Variants in OAT observed in about 807,000 individuals in gnomAD.
OAT encodes ornithine aminotransferase, mitochondrial.
A neutral mutation model predicts 48.4 loss-of-function variants in OAT; 35 were observed. That is an observed-to-expected ratio of 0.72 (90% confidence interval 0.55 to 0.96). OAT has a LOEUF of 0.96. OAT is among the 40% of genes least tolerant of loss of function. The pLI is 0.00. For synonymous variants in OAT, 182 were observed against 198.4 expected (o/e 0.92, Z 0.70); for missense variants, 438 against 537.9 (o/e 0.81, Z 1.84).
At chr10:124,400,483 G>T (rs935768695) in intron 9 of OAT, among the ~76,000 whole-genome samples, 8 of 151,150 alleles carry the variant, frequency 5.3e-5, no homozygotes. Flanking sequence ...GCCGGGCGCG[G>T]TGGGCTCACG....
chr10:124,405,066 A>C (rs1254244144), intron 5 of OAT, among the ~76,000 whole-genome samples: 1 of 152,212 alleles, frequency 6.6e-6, no homozygotes, highest in East Asian at 1.9e-4. Flanking sequence ...TAATTACTTA[A>C]ATTAAATCTA....
chr10:124,410,085 C>A (rs532674472), intron 2 of OAT, among the ~76,000 whole-genome samples: 1 of 152,188 alleles, frequency 6.6e-6, no homozygotes, highest in Non-Finnish European at 1.5e-5. Flanking sequence ...GTGTGATACT[C>A]TTATATTGTC....
At chr10:124,412,536 T>G (rs1046277198) in intron 1 of OAT, among the ~76,000 whole-genome samples, 1 of 151,512 alleles carries the variant, frequency 6.6e-6, no homozygotes, top group Non-Finnish European at 1.5e-5. Flanking sequence ...CCAGGCGTGA[T>G]AGCTCACATC....
intron 9 of OAT, 26 bp from the exon 10 acceptor site, chr10:124,398,128 T>C (rs1951288748): frequency 6.2e-7 from 1 of 1,613,422 alleles, no homozygotes; most frequent in Non-Finnish European, 8.5e-7. Context: ...AAAACGTACA[T>C]GCTCAAAGAT....
In OAT at chr10:124,398,172, C is replaced by T. The variant is rs984464192; in HGVS notation, c.1160-70G>A. ...AAACATCCCTTGCCGTATGTATGGG[C>T]AAAGTGCAGCCTGGCAAAACAAAAT... is the stretch of plus-strand genomic sequence containing the variant. On this transcript the variant is annotated intron_variant, in intron 9 of 9. Transcript: ENST00000368845. The T allele has an allele frequency of 2.1e-5, 32 of 1,536,124 alleles. No individual in the cohort carries two copies. The East Asian group carries it at 5.5e-4, about 26-fold the overall frequency.
At chr10:124,398,134 A>T (rs778324869) in intron 9 of OAT, 32 bp from the exon 10 acceptor site, 1 of 1,612,828 alleles carries the variant, frequency 6.2e-7, no homozygotes, top group East Asian at 2.2e-5. Context: ...TACATGCTCA[A>T]AGATAAACGT....
At chr10:124,400,787 T>A in intron 9 of OAT, 53 bp downstream of exon 9, 1 of 1,313,854 alleles carries the variant, frequency 7.6e-7, no homozygotes. Flanking sequence ...ATACCAAGTG[T>A]ATTTTAGGTC....
intron 8 of OAT, 92 bp downstream of exon 8, chr10:124,401,634 T>C (rs1353378889): frequency 3.6e-6 from 3 of 838,746 alleles, no homozygotes; most frequent in Admixed American, 4.0e-5. Flanking sequence ...GGCATTCTTA[T>C]TGAATTTTTT....
In OAT at chr10:124,400,946, T is replaced by A. The variant is rs757483886; in HGVS notation, c.1053A>T (p.Lys351Asn). ...EEENLAENADKLGIILRNELM... is the reference protein window; with the variant it reads ...EEENLAENADNLGIILRNELM... ...GTTCATTTCTCAAGATAATGCCCAA[T>A]TTGTCTGCATTTTCAGCAAGGTTTT... The change falls in exon 9 of 10, where the codon AAA (lysine) becomes AAT (asparagine). Residue 351 changes from lysine to asparagine, a missense_variant. Physicochemically the swap from Lys to Asn is moderately conservative, Grantham distance 94. Transcript: ENST00000368845. 26 of 1,611,288 alleles carry A rather than the reference T, an allele frequency of 1.6e-5. No homozygotes were observed. Among genetic ancestry groups the A allele is most frequent in the Non-Finnish European group, 1.8e-5 (21 of 1,178,698 alleles).
Position 124,415,074 on chromosome 10 carries a change from T to TGTGTCGCTAAAAAAAAAAAAA in OAT, c.-29-2875_-29-2874insTTTTTTTTTTTTTAGCGACAC, listed in dbSNP as rs1564742697. 2.4e-4 allele frequency: 4 copies of TGTGTCGCTAAAAAAAAAAAAA among 16,858 alleles called. 2 individuals carry two copies. The highest frequency in any genetic ancestry group is 0.062 in the Middle Eastern group (2 of 32). 1.0% of individuals were successfully genotyped at this position (16,858 alleles called of 1,614,324 possible). A position where few individuals can be genotyped will look rare whatever the true frequency, so the allele number is the denominator to read the frequency against. On this transcript the variant is annotated intron_variant, in intron 1 of 9. Coordinates refer to ENST00000368845, the MANE Select transcript of OAT (RefSeq NM_000274.4). Reference sequence around the variant, plus strand: ...CACTCCAGCCTGGGCTACAAAGCGCTAAAAAAAAAAAAAAAAAAAAAAAAA... The same window carrying TGTGTCGCTAAAAAAAAAAAAA: ...CACTCCAGCCTGGGCTACAAAGCGCTGTGTCGCTAAAAAAAAAAAAAAAAAAAAAAAAAAAAAAAAAAAAAA...
intron 2 of OAT, among the ~76,000 whole-genome samples, chr10:124,410,439 T>C (rs1951711910): frequency 6.6e-6 from 1 of 152,240 alleles, no homozygotes; most frequent in African/African-American, 2.4e-5. Flanking sequence ...AAATGACATC[T>C]GGATTAGGTC....
At chr10:124,405,734 T>A (rs186999744) in intron 4 of OAT, 171 bp from the exon 5 acceptor site, 4 of 1,440,094 alleles carry the variant, frequency 2.8e-6, no homozygotes, top group Middle Eastern at 2.0e-4. Context: ...TTAAACACCA[T>A]GGCTCCTATG....
Position 124,397,964 on chromosome 10 carries a change from T to C in OAT, c.1298A>G (p.Asn433Ser). 1 of 1,613,808 alleles carries C rather than the reference T, an allele frequency of 6.2e-7. No homozygotes were observed. Among genetic ancestry groups the C allele is most frequent in the South Asian group, 1.1e-5 (1 of 91,070 alleles). The change falls in exon 10 of 10, where the codon AAC (asparagine) becomes AGC (serine). Residue 433 changes from asparagine (N) to serine (S), a missense_variant. Transcript: ENST00000368845. The stretch of plus-strand genomic sequence containing the variant: ...CCCTCAGAAAGACAAGATGGTCTTG[T>C]TAATAATTTCAATGGACTCTCGAAG... ...DELRESIEII[N>S]KTILSF
intron 5 of OAT, 131 bp downstream of exon 5, chr10:124,405,305 G>C: frequency 7.5e-7 from 1 of 1,337,802 alleles, no homozygotes; most frequent in East Asian, 2.6e-5. Flanking sequence ...CTGAGAACAA[G>C]TCTGAAATCG....
At chr10:124,403,555 C>T (rs1415597444) in intron 6 of OAT, among the ~76,000 whole-genome samples, 1 of 152,198 alleles carries the variant, frequency 6.6e-6, no homozygotes, top group East Asian at 1.9e-4. Flanking sequence ...ACCAGGTCTG[C>T]AGTTCTGCAC....
intron 4 of OAT, among the ~76,000 whole-genome samples, chr10:124,407,690 A>G (rs11244756): frequency 1.9e-4 from 29 of 152,356 alleles, no homozygotes; most frequent in Non-Finnish European, 3.8e-4. Context: ...ATGAACTTTG[A>G]CCATTATAGT....
chr10:124,408,712 G>A lies in OAT; in HGVS notation c.424+29C>T, dbSNP rs540692646. 16 of 1,576,880 alleles carry A rather than the reference G, an allele frequency of 1.0e-5. No individual in the cohort carries two copies. In the East Asian group the frequency reaches 1.1e-4, roughly 11 times the overall value. ...AAAAATAAAAAGATTATTTTTGAGGGTATTTAACAAAAAAAGGAAATGTTT... is the reference window on the plus strand; with the variant it reads ...AAAAATAAAAAGATTATTTTTGAGGATATTTAACAAAAAAAGGAAATGTTT... On this transcript the variant is annotated intron_variant, in intron 3 of 9. Transcript: ENST00000368845.
intron 1 of OAT, among the ~76,000 whole-genome samples, chr10:124,416,950 T>C (rs1589723442): frequency 6.6e-6 from 1 of 151,532 alleles, no homozygotes; most frequent in Non-Finnish European, 1.5e-5. Context: ...GCCAAGTGCA[T>C]CATTGGCAAA....
intron 4 of OAT, among the ~76,000 whole-genome samples, 194 bp downstream of exon 4, chr10:124,408,339 ATATATTTTT>A (rs1421242681): frequency 4.3e-4 from 44 of 101,846 alleles, no homozygotes; most frequent in African/African-American, 1.1e-3. Context: ...ATATATATAT[ATATATTTTT>A]TTTTTTTTTT....
Sources: allele counts gnomAD v4.1 joint callset (sites outside exome capture counted in the v4.1 genomes callset), GRCh38; gene constraint gnomAD v4.1.1; transcripts MANE v1.5; gene names NCBI Gene and HGNC (gene_info 2026-07-23, HGNC 2026-07-21).